The following LPCAT1 variants were observed in gnomAD, a reference collection of about 807,000 sequenced individuals.
LPCAT1 encodes lysophosphatidylcholine acyltransferase 1.
A neutral mutation model predicts 60.9 loss-of-function variants in LPCAT1; 23 were observed. That is an observed-to-expected ratio of 0.38 (90% CI 0.27 to 0.53). The LOEUF (loss-of-function observed/expected upper bound fraction) is 0.53. Ranked by LOEUF, LPCAT1 falls within the 20% of genes least tolerant of loss-of-function variation. The pLI is 0.82. For synonymous variants in LPCAT1, 340 were observed against 301.1 expected (o/e 1.13, Z -1.34); for missense variants, 622 against 723.6 (o/e 0.86, Z 1.61).
rs1736069454 is a variant in LPCAT1, at chr5:1,502,918, A to G, written c.136-1315T>C. Among the ~76,000 whole-genome samples the G allele has an allele frequency of 6.6e-6, 1 of 152,194 alleles. No individual in the cohort carries two copies. On this transcript the variant is annotated intron_variant, in intron 1 of 13. Coordinates refer to ENST00000283415, the MANE Select transcript of LPCAT1 (RefSeq NM_024830.5). The surrounding 1 kb of genome is among the most constrained non-coding windows in gnomAD (Gnocchi z 5.5). ...CGAGTGGCCACATTTAAAGGGAATG[A>G]CAATTTAATATACAGCTCATTTCGC...
chr5:1,514,864 G>A (rs1188370397), intron 1 of LPCAT1, among the ~76,000 whole-genome samples: 1 of 152,198 alleles, frequency 6.6e-6, no homozygotes, highest in African/African-American at 2.4e-5. Flanking sequence ...ATTCAGCCCA[G>A]GCCCTGAGAC....
At position 1,470,856 on chromosome 5, in the gene LPCAT1, C is replaced by T; in HGVS notation, c.1248G>A (p.Arg416=). The change falls in exon 12 of 14, where the codon CGG becomes CGA. Residue 416 remains arginine (R), a synonymous_variant. Transcript: ENST00000283415. ...VALSVVCRPA[R]TLDTIQLAFK... is the part of the protein sequence containing the mutation. ...AAGCCAGCTGGATGGTGTCCAGGGT[C>T]CGGGCCGGCCGGCAGACGACAGACA... The T allele has an allele frequency of 6.8e-6, 11 of 1,613,684 alleles. No individual in the cohort carries two copies. The highest frequency in any genetic ancestry group is 9.3e-6 in the Non-Finnish European group (11 of 1,179,990).
intron 1 of LPCAT1, among the ~76,000 whole-genome samples, 185 bp from the exon 2 acceptor site, chr5:1,501,788 G>GGCTGACCAGT (rs1183830408): frequency 1.3e-5 from 2 of 151,666 alleles, no homozygotes; most frequent in Admixed American, 1.3e-4. Context: ...GGCTGACCGA[G>GGCTGACCAGT]GCTGACCAGT....
At chr5:1,507,002 G>A (rs1736206358) in intron 1 of LPCAT1, among the ~76,000 whole-genome samples, 1 of 152,220 alleles carries the variant, frequency 6.6e-6, no homozygotes, top group Non-Finnish European at 1.5e-5. Context: ...AGACATCACT[G>A]CAAGTCGTGG....
chr5:1,506,050 G>T (rs568435976), intron 1 of LPCAT1, among the ~76,000 whole-genome samples: 1 of 152,372 alleles, frequency 6.6e-6, no homozygotes, highest in Non-Finnish European at 1.5e-5. Context: ...AGAGGGGCCT[G>T]TGGGCCACAG....
chr5:1,501,563 A>T lies in LPCAT1; in HGVS notation c.176T>A (p.Leu59Gln). ...MTLTLFPVRL[L>Q]VAAAMMLLAW... ...CAGCAGCATCATGGCAGCGGCAACC[A>T]GGAGCCGGACCGGGAAGAGCGTCAG... The change falls in exon 2 of 14, where the codon CTG (leucine) becomes CAG (glutamine). Residue 59 changes from leucine (L) to glutamine (Q), a missense_variant. Transcript: ENST00000283415. 1 of 1,613,966 alleles carries T rather than the reference A, an allele frequency of 6.2e-7. No individual in the cohort carries two copies. The highest frequency in any genetic ancestry group is 8.5e-7 in the Non-Finnish European group (1 of 1,179,912).
rs532149021 is a variant in LPCAT1, at chr5:1,472,001, A to C, written c.1180-1077T>G. Among the ~76,000 whole-genome samples the C allele has an allele frequency of 4.6e-4, 6 of 12,942 alleles. No individual in the cohort carries two copies. The East Asian group carries it at 0.011, about 23-fold the overall frequency. 8.5% of individuals were successfully genotyped at this position (12,942 alleles called of 152,430 possible). ...TCTGGCCAGGCAGCAGGAGGTGAGG[A>C]GCACTCAGGAGCAGAGGGAGGACGC... On this transcript the variant is annotated intron_variant, in intron 11 of 13. Transcript: ENST00000283415.
intron 5 of LPCAT1, among the ~76,000 whole-genome samples, chr5:1,488,151 C>A (rs1186508789): frequency 1.3e-5 from 2 of 152,222 alleles, no homozygotes; most frequent in East Asian, 3.8e-4. Context: ...AAACATCTAT[C>A]TCCACCTCAC....
At position 1,523,959 on chromosome 5, in the gene LPCAT1, G is replaced by C. The variant is rs1371294087; in HGVS notation, c.-115C>G. ...CCGAGGATGCGCGGCGGCTGGAGCG[G>C]GCCGGGCGCGCAGGCGCGGGAGGTG... On this transcript the variant is annotated 5_prime_UTR_variant, in exon 1 of 14. Transcript: ENST00000283415. This position sits in a 1 kb window ranked among gnomAD's most constrained non-coding sequence, Gnocchi z 7.1. 3 of 756,214 alleles carry C rather than the reference G, an allele frequency of 4.0e-6. No homozygotes were observed. Among genetic ancestry groups the C allele is most frequent in the Non-Finnish European group, 4.8e-6 (3 of 620,106 alleles). 46.8% of individuals were successfully genotyped at this position (756,214 alleles called of 1,614,324 possible).
chr5:1,492,347 G>A (rs1307114676), intron 3 of LPCAT1, among the ~76,000 whole-genome samples: 2 of 151,904 alleles, frequency 1.3e-5, no homozygotes, highest in African/African-American at 4.8e-5. Context: ...AGACGTCTCT[G>A]AGCTGGGACC....
At chr5:1,520,411 T>C (rs1736634552) in intron 1 of LPCAT1, among the ~76,000 whole-genome samples, 3 of 152,176 alleles carry the variant, frequency 2.0e-5, no homozygotes, top group South Asian at 4.1e-4. Context: ...CTCTGTGGAT[T>C]AGCCAGCGTG....
At chr5:1,475,342 G>A (rs1734858459) in intron 9 of LPCAT1, among the ~76,000 whole-genome samples, 1 of 152,224 alleles carries the variant, frequency 6.6e-6, no homozygotes, top group African/African-American at 2.4e-5. Context: ...GAAGCTCACA[G>A]CAGTCCTGGC....
chr5:1,482,752 T>C (rs12514642), intron 6 of LPCAT1, among the ~76,000 whole-genome samples: 27,304 of 134,496 alleles, frequency 0.2, 2,901 homozygotes, highest in African/African-American at 0.26. Flanking sequence ...TGTGGTGGGC[T>C]GGGGCAGAGC....
At chr5:1,491,136 G>C (rs532464020) in intron 3 of LPCAT1, among the ~76,000 whole-genome samples, 1 of 119,664 alleles carries the variant, frequency 8.4e-6, no homozygotes, top group South Asian at 2.9e-4. Flanking sequence ...CCTATGTCTT[G>C]AATCATTTTG....
intron 1 of LPCAT1, among the ~76,000 whole-genome samples, chr5:1,505,208 GA>G (rs2126598631): frequency 7.0e-6 from 1 of 142,584 alleles, no homozygotes; most frequent in East Asian, 2.1e-4. Context: ...CGGTGTTCCT[GA>G]AACAGCACCG....
At chr5:1,484,179 G>T (rs982323353) in intron 5 of LPCAT1, among the ~76,000 whole-genome samples, 1 of 152,244 alleles carries the variant, frequency 6.6e-6, no homozygotes, top group Admixed American at 6.5e-5. Flanking sequence ...GGGCTCCCAA[G>T]GAATCAGGAG....
At chr5:1,479,832 G>A (rs1384257385) in intron 7 of LPCAT1, among the ~76,000 whole-genome samples, 157 bp from the exon 8 acceptor site, 1 of 146,374 alleles carries the variant, frequency 6.8e-6, no homozygotes, top group Admixed American at 6.8e-5. Context: ...CACCCAGCCC[G>A]AGCCCCAGTG....
intron 1 of LPCAT1, among the ~76,000 whole-genome samples, chr5:1,520,090 C>A (rs898938108): frequency 5.9e-5 from 9 of 152,220 alleles, no homozygotes; most frequent in Non-Finnish European, 8.8e-5. Flanking sequence ...CCTGAGGAAC[C>A]CCCATCCCCG....
At position 1,494,891 on chromosome 5, in the gene LPCAT1, G is replaced by A. The variant is rs766937927; in HGVS notation, c.302C>T (p.Ala101Val). ...WRKVVDFLLK[A>V]IMRTMWFAGG... ...GGCGAACCACATGGTGCGCATGATG[G>A]CCTTCAGCAGGAAGTCCACAACCCT... is the stretch of plus-strand genomic sequence containing the variant. The change falls in exon 3 of 14, where the codon GCC (alanine) becomes GTC (valine). Residue 101 changes from alanine to valine, a missense_variant. By Grantham distance (64) the Ala-to-Val change is moderately conservative. This residue lies in a region of LPCAT1 where 209 missense variants were observed against 325.5 expected (regional missense o/e 0.64). Transcript: ENST00000283415. 2.5e-6 allele frequency: 4 copies of A among 1,611,712 alleles called. No homozygotes were observed. The highest frequency in any genetic ancestry group is 3.4e-6 in the Non-Finnish European group (4 of 1,178,882).
Sources: allele counts gnomAD v4.1 joint callset (sites outside exome capture counted in the v4.1 genomes callset), GRCh38; gene constraint gnomAD v4.1.1; regional missense constraint gnomAD v4.1.1; non-coding constraint Gnocchi (gnomAD v3.1); transcripts MANE v1.5; gene names NCBI Gene and HGNC (gene_info 2026-07-23, HGNC 2026-07-21).